ZBTB46: variants seen among roughly 807,000 people sequenced by gnomAD.
The protein encoded by ZBTB46 is zinc finger and BTB domain containing 46, also known as zinc finger and BTB domain-containing protein 46.
In ZBTB46, 8 loss-of-function variants were observed where a neutral mutation model predicts 44.1. The ratio of observed to expected loss-of-function variants is 0.18; its 90% confidence interval spans 0.11 to 0.33. The LOEUF is 0.33. Among genes scored for constraint, ZBTB46 ranks in the 10% least tolerant of loss-of-function variants. The probability of loss-of-function intolerance (pLI) is 1.00; values close to 1 mark genes in which losing one functional copy is unlikely to be tolerated. For synonymous variants in ZBTB46, 409 were observed against 382.3 expected (o/e 1.07, Z -0.81); for missense variants, 651 against 847.7 (o/e 0.77, Z 2.88).
At chr20:63,765,557 T>C (rs989575143) in intron 3 of ZBTB46, among the ~76,000 whole-genome samples, 2 of 152,194 alleles carry the variant, frequency 1.3e-5, no homozygotes, top group Admixed American at 1.3e-4. Flanking sequence ...GCCTGCCGAG[T>C]ACCTGGGACC....
intron 3 of ZBTB46, among the ~76,000 whole-genome samples, chr20:63,759,581 AG>A (rs945668915): frequency 2.6e-5 from 4 of 151,868 alleles, no homozygotes; most frequent in Non-Finnish European, 4.4e-5. Context: ...CTCAGGGAGG[AG>A]GGGGGCAAGG....
At chr20:63,766,042 T>C (rs545203529) in intron 3 of ZBTB46, among the ~76,000 whole-genome samples, 85 of 151,948 alleles carry the variant, frequency 5.6e-4, no homozygotes, top group Non-Finnish European at 1.0e-3. Flanking sequence ...GGCAAAGCTG[T>C]CATGCGGCCT....
intron 1 of ZBTB46, among the ~76,000 whole-genome samples, chr20:63,794,959 C>T (rs192605507): frequency 3.2e-3 from 480 of 151,666 alleles, no homozygotes; most frequent in Non-Finnish European, 4.4e-3. Context: ...CGCGAGGTGC[C>T]CCTTCAGAGA....
chr20:63,771,799 C>T (rs988984527), intron 3 of ZBTB46, among the ~76,000 whole-genome samples: 4 of 152,188 alleles, frequency 2.6e-5, no homozygotes, highest in African/African-American at 9.7e-5. Flanking sequence ...CTGAGTATTT[C>T]CATTATTTAC....
At chr20:63,751,248 G>A (rs766641133) in intron 4 of ZBTB46, among the ~76,000 whole-genome samples, 17 of 152,092 alleles carry the variant, frequency 1.1e-4, no homozygotes, top group Admixed American at 2.0e-4. Flanking sequence ...CCGCGTGGAT[G>A]TGGGTCTGCT....
At chr20:63,830,882 G>C (rs1272526048) in intron 1 of ZBTB46, among the ~76,000 whole-genome samples, 2 of 142,822 alleles carry the variant, frequency 1.4e-5, no homozygotes, top group Admixed American at 6.9e-5. Flanking sequence ...GGCCGGGCCG[G>C]GGTCTCCGCC....
intron 1 of ZBTB46, among the ~76,000 whole-genome samples, chr20:63,794,084 G>T (rs1176563231): frequency 6.6e-6 from 1 of 151,824 alleles, no homozygotes. Context: ...TACTCAGGAG[G>T]CTGAGGCAGG....
In ZBTB46 at chr20:63,752,634, G is replaced by A. The variant is rs545057925; in HGVS notation, c.1398+52C>T. 12 of 1,455,056 alleles carry A rather than the reference G, an allele frequency of 8.2e-6. No individual in the cohort carries two copies. The highest frequency in any genetic ancestry group is 7.1e-5 in the African/African-American group (5 of 70,754). The allele number at this position is 1,455,056 out of a possible 1,614,324, so 90.1% of individuals were successfully genotyped here. A position where few individuals can be genotyped will look rare whatever the true frequency, so the allele number is the denominator to read the frequency against. The stretch of plus-strand genomic sequence containing the variant: ...CGCCCTCATCAGGACCCGCCTGCCC[G>A]GACATCGTGGCCACGCGCAGCGCGC... On this transcript the variant is annotated intron_variant, in intron 4 of 4. Coordinates refer to ENST00000245663, the MANE Select transcript of ZBTB46 (RefSeq NM_001369741.1). This position sits in a 1 kb window ranked among gnomAD's most constrained non-coding sequence, Gnocchi z 5.6.
chr20:63,800,652 C>T (rs577608567), intron 1 of ZBTB46, among the ~76,000 whole-genome samples: 9 of 152,326 alleles, frequency 5.9e-5, no homozygotes, highest in South Asian at 4.1e-4. Context: ...GCCCCACACT[C>T]GGAGCGGCCC....
intron 2 of ZBTB46, among the ~76,000 whole-genome samples, chr20:63,786,675 C>A (rs928627077): frequency 1.3e-5 from 2 of 152,126 alleles, no homozygotes; most frequent in African/African-American, 2.4e-5. Flanking sequence ...CCACGCCCAG[C>A]TAACTTTTGT....
rs957439114 is a variant in ZBTB46, at chr20:63,803,175, A to C, written c.-33-12385T>G. ...CCCCCAGGATGCCATCCAGGCAGGG[A>C]CCAGTGTGGGCACCATCCCCCAGGG... On this transcript the variant is annotated intron_variant, in intron 1 of 4. Transcript: ENST00000245663. The surrounding 1 kb of genome is among the most constrained non-coding windows in gnomAD (Gnocchi z 4.0). Among the ~76,000 whole-genome samples the C allele has an allele frequency of 7.9e-5, 12 of 152,152 alleles. No homozygotes were observed. The East Asian group carries it at 2.1e-3, about 27-fold the overall frequency.
chr20:63,751,853 GC>G (rs2092170216), intron 4 of ZBTB46, among the ~76,000 whole-genome samples: 4 of 151,260 alleles, frequency 2.6e-5, no homozygotes. Context: ...ATGAAGCCCC[GC>G]CCCCCGGTGG....
At chr20:63,765,939 C>T (rs977652126) in intron 3 of ZBTB46, among the ~76,000 whole-genome samples, 4 of 152,122 alleles carry the variant, frequency 2.6e-5, no homozygotes, top group Non-Finnish European at 5.9e-5. Context: ...CAAAATGGTA[C>T]GGAGAGAATC....
chr20:63,814,851 AT>A (rs2092739099), intron 1 of ZBTB46: 1 of 152,494 alleles, frequency 6.6e-6, no homozygotes. Flanking sequence ...AATTTTAGCA[AT>A]GATATTTCAG....
intron 1 of ZBTB46, among the ~76,000 whole-genome samples, chr20:63,802,032 C>T (rs1231456603): frequency 2.0e-5 from 3 of 152,150 alleles, no homozygotes; most frequent in Admixed American, 2.0e-4. Flanking sequence ...GAACCCCCCG[C>T]CCCCGCCTCC....
intron 1 of ZBTB46, among the ~76,000 whole-genome samples, chr20:63,796,236 G>A (rs6011120): frequency 1.3e-5 from 2 of 152,238 alleles, no homozygotes; most frequent in African/African-American, 4.8e-5. Context: ...GCGTGATTCA[G>A]GCGGTAGTGT....
chr20:63,789,814 G>A lies in ZBTB46; in HGVS notation c.937+7C>T. 2 of 1,602,978 alleles carry A rather than the reference G, an allele frequency of 1.2e-6. No homozygotes were observed. The highest frequency in any genetic ancestry group is 1.1e-5 in the South Asian group (1 of 90,370). The stretch of plus-strand genomic sequence containing the variant: ...AGCTGAGCCCCCGTAACGAGTGAAA[G>A]GCTTACTTGAGTCTCGGCTGCTGAA... On this transcript the variant is annotated splice_region_variant and intron_variant, in intron 2 of 4. Transcript: ENST00000245663.
chr20:63,798,685 A>AAAAAAAAACAAAAAAAAAAC (rs1417351365), intron 1 of ZBTB46, among the ~76,000 whole-genome samples: 4 of 127,888 alleles, frequency 3.1e-5, no homozygotes, highest in African/African-American at 1.3e-4. Context: ...AAAAAAAAAA[A>AAAAAAAAACAAAAAAAAAAC]AAAAAAAATT....
At chr20:63,762,073 G>C (rs1019274263) in intron 3 of ZBTB46, among the ~76,000 whole-genome samples, 1 of 152,140 alleles carries the variant, frequency 6.6e-6, no homozygotes, top group Non-Finnish European at 1.5e-5. Context: ...TAATTGTGCT[G>C]TTACAGCCAG....
Sources: allele counts gnomAD v4.1 joint callset (sites outside exome capture counted in the v4.1 genomes callset), GRCh38; gene constraint gnomAD v4.1.1; non-coding constraint Gnocchi (gnomAD v3.1); transcripts MANE v1.5; gene names NCBI Gene and HGNC (gene_info 2026-07-23, HGNC 2026-07-21).